The following RAB30 variants were observed in gnomAD, a reference collection of about 807,000 sequenced individuals.
The protein encoded by RAB30 is ras-related protein Rab-30.
Under a neutral mutation model 25.1 loss-of-function variants are expected in RAB30, and 9 were observed. The observed-to-expected ratio is 0.36, with a 90% CI of 0.22 to 0.63. RAB30 has a LOEUF of 0.63. RAB30 is among the 20% of genes least tolerant of loss of function. The probability of loss-of-function intolerance (pLI) is 0.69; values close to 1 mark genes in which losing one functional copy is unlikely to be tolerated. For synonymous variants in RAB30, 77 were observed against 86.4 expected (o/e 0.89, Z 0.60); for missense variants, 140 against 243.5 (o/e 0.58, Z 2.83).
At chr11:83,046,325 C>T (rs967185265) in intron 1 of RAB30, among the ~76,000 whole-genome samples, 18 of 152,148 alleles carry the variant, frequency 1.2e-4, no homozygotes, top group African/African-American at 4.3e-4. Flanking sequence ...CTCTAGGGAT[C>T]CTTTTCTAAG....
intron 1 of RAB30, among the ~76,000 whole-genome samples, chr11:83,007,031 AC>A (rs1451074669): frequency 6.6e-6 from 1 of 152,250 alleles, no homozygotes; most frequent in African/African-American, 2.4e-5. Context: ...CTGACACAGA[AC>A]ATTTCTGAGG....
chr11:83,054,623 G>A (rs1858419550), intron 1 of RAB30, among the ~76,000 whole-genome samples: 2 of 152,122 alleles, frequency 1.3e-5, no homozygotes, highest in Non-Finnish European at 2.9e-5. Context: ...TTACTGGAGA[G>A]GCCAAGGAGG....
intron 1 of RAB30, among the ~76,000 whole-genome samples, chr11:83,045,324 T>A (rs1858211717): frequency 6.6e-6 from 1 of 152,198 alleles, no homozygotes; most frequent in East Asian, 1.9e-4. Context: ...AGAGATAAGA[T>A]CTTGCCATCT....
intron 3 of RAB30, among the ~76,000 whole-genome samples, chr11:82,989,746 T>C (rs1412557428): frequency 1.3e-5 from 2 of 152,236 alleles, no homozygotes; most frequent in African/African-American, 4.8e-5. Flanking sequence ...CAAGATATGT[T>C]ACCTTCTCAT....
chr11:83,013,642 T>A (rs1344167936), intron 1 of RAB30, among the ~76,000 whole-genome samples: 1 of 152,134 alleles, frequency 6.6e-6, no homozygotes, highest in Non-Finnish European at 1.5e-5. Context: ...AAAGATCATA[T>A]AACCAAAGAG....
At chr11:83,019,488 C>T (rs1857515815) in intron 1 of RAB30, among the ~76,000 whole-genome samples, 1 of 152,178 alleles carries the variant, frequency 6.6e-6, no homozygotes, top group Non-Finnish European at 1.5e-5. Context: ...TATGCCTACC[C>T]TGTTTTACCA....
intron 1 of RAB30, among the ~76,000 whole-genome samples, chr11:83,023,371 G>A (rs760273224): frequency 1.3e-5 from 2 of 152,106 alleles, no homozygotes; most frequent in African/African-American, 2.4e-5. Flanking sequence ...CTCAGATAAG[G>A]GCAGACTTGA....
chr11:83,044,407 T>C (rs905484376), intron 1 of RAB30, among the ~76,000 whole-genome samples: 1 of 152,216 alleles, frequency 6.6e-6, no homozygotes, highest in Non-Finnish European at 1.5e-5. Context: ...CTTTCTGAAC[T>C]AAAATCTAAG....
rs961096336 is a variant in RAB30 at position 83,001,004 on chromosome 11, G to A, written c.-8-3680C>T. ...AGAGCTTGCAGTGAGCTGAGATCGC[G>A]CCACAGCACTCCCGCCTGGGCGACA... On this transcript the variant is annotated intron_variant, in intron 1 of 4. Coordinates refer to ENST00000527633, the MANE Select transcript of RAB30 (RefSeq NM_001286060.2). Among the ~76,000 whole-genome samples the A allele has an allele frequency of 7.5e-5, 9 of 120,164 alleles. No individual in the cohort carries two copies. The South Asian group carries it at 2.5e-3, about 34-fold the overall frequency. The allele number at this position is 120,164 out of a possible 152,430, so 78.8% of individuals were successfully genotyped here. A position where few individuals can be genotyped will look rare whatever the true frequency, so the allele number is the denominator to read the frequency against.
rs780152295 is a variant in RAB30, at chr11:82,973,327, A to G, written c.*8838T>C. ...AAAACATAGGCTACAATGAATGGAC[A>G]GTCATATGGTTTGGTGATTTGACAA... On this transcript the variant is annotated 3_prime_UTR_variant, in exon 5 of 5. Coordinates refer to ENST00000527633, the MANE Select transcript of RAB30 (RefSeq NM_001286060.2). The G allele has an allele frequency of 2.2e-4, 33 of 152,364 alleles. No homozygotes were observed. The highest frequency in any genetic ancestry group is 4.3e-4 in the Non-Finnish European group (29 of 68,020). The allele number at this position is 152,364 out of a possible 1,614,324, so 9.4% of individuals were successfully genotyped here. A position where few individuals can be genotyped will look rare whatever the true frequency, so the allele number is the denominator to read the frequency against.
Position 82,975,192 on chromosome 11 carries a change from T to A in RAB30, c.*6973A>T, listed in dbSNP as rs540288199. The A allele has an allele frequency of 3.7e-4, 57 of 152,284 alleles. No homozygotes were observed. The highest frequency in any genetic ancestry group is 1.2e-3 in the African/African-American group (51 of 41,578). 9.4% of individuals were successfully genotyped at this position (152,284 alleles called of 1,614,324 possible). A position where few individuals can be genotyped will look rare whatever the true frequency, so the allele number is the denominator to read the frequency against. The stretch of plus-strand genomic sequence containing the variant: ...AAAAAATAAATCAATTAACATTCAT[T>A]GTCAAATAACCTACAAGAAAGTTCC... On this transcript the variant is annotated 3_prime_UTR_variant, in exon 5 of 5. Transcript: ENST00000527633.
chr11:83,041,504 C>T lies in RAB30; in HGVS notation c.-9+30187G>A, dbSNP rs536438063. 2.7e-5 allele frequency: 6 copies of T among 222,128 alleles called. No homozygotes were observed. In the South Asian group the frequency reaches 3.5e-4, roughly 13 times the overall value. The allele number at this position is 222,128 out of a possible 1,614,324, so 13.8% of individuals were successfully genotyped here. On this transcript the variant is annotated intron_variant, in intron 1 of 4. Transcript: ENST00000527633. ...CCTTTAGAGCAACCCATACAAGAAA[C>T]AGGCTGCATACACTACCAAGGAAGC...
chr11:82,988,117 G>T (rs1034863144), intron 3 of RAB30, among the ~76,000 whole-genome samples: 1 of 151,962 alleles, frequency 6.6e-6, no homozygotes, highest in Non-Finnish European at 1.5e-5. Flanking sequence ...TTTACCTGTG[G>T]CAACTCACTT....
chr11:83,055,712 G>A (rs75961641), intron 1 of RAB30, among the ~76,000 whole-genome samples: 1,579 of 152,336 alleles, frequency 0.01, 17 homozygotes, highest in Middle Eastern at 0.044. Flanking sequence ...GGCCATGAGC[G>A]CTCCATGCTT....
At chr11:83,065,759 C>A (rs1015333169) in intron 1 of RAB30, among the ~76,000 whole-genome samples, 8 of 152,146 alleles carry the variant, frequency 5.3e-5, no homozygotes, top group Non-Finnish European at 1.0e-4. Flanking sequence ...ACCATGAGCA[C>A]CAGCTATACC....
intron 1 of RAB30, among the ~76,000 whole-genome samples, chr11:83,003,115 T>A (rs981945111): frequency 1.3e-5 from 2 of 152,204 alleles, no homozygotes; most frequent in Non-Finnish European, 2.9e-5. Context: ...GCATAGGCGA[T>A]GAAGTAAGAG....
rs936045262 is a variant in RAB30, at chr11:83,019,595, A to G, written c.-8-22271T>C. Among the ~76,000 whole-genome samples the G allele has an allele frequency of 6.6e-5, 10 of 152,242 alleles. No homozygotes were observed. The East Asian group carries it at 1.7e-3, about 26-fold the overall frequency. ...TGCTTCTTCCTTCAGGGCAGCAGAC[A>G]TGCCATCTCCCCCACGAAGTCCTCC... On this transcript the variant is annotated intron_variant, in intron 1 of 4. Coordinates refer to ENST00000527633, the MANE Select transcript of RAB30 (RefSeq NM_001286060.2).
chr11:83,041,594 T>C lies in RAB30; in HGVS notation c.-9+30097A>G, dbSNP rs868163843. ...AAGGAACTAGGTCGGCTTAATTGGT[T>C]GCAGAAAAATCAGTCTTACTGAGAT... On this transcript the variant is annotated intron_variant, in intron 1 of 4. Coordinates refer to ENST00000527633, the MANE Select transcript of RAB30 (RefSeq NM_001286060.2). 5 of 156,978 alleles carry C rather than the reference T, an allele frequency of 3.2e-5. No homozygotes were observed. The Middle Eastern group carries it at 2.6e-3, about 81-fold the overall frequency. The allele number at this position is 156,978 out of a possible 1,614,324, so 9.7% of individuals were successfully genotyped here.
Position 82,995,226 on chromosome 11 carries a change from A to G in RAB30, c.94-1104T>C, listed in dbSNP as rs531703452. Among the ~76,000 whole-genome samples, 3 of 152,358 alleles carry G rather than the reference A, an allele frequency of 2.0e-5. No individual in the cohort carries two copies. In the South Asian group the frequency reaches 6.2e-4, roughly 32 times the overall value. On this transcript the variant is annotated intron_variant, in intron 2 of 4. Transcript: ENST00000527633. ...ATGACTCAGATATCTTTAATTAAGA[A>G]TTATTTAAAGTTTTAGCTTAAAAGA...
Sources: gnomAD v4.1 joint callset for allele counts (sites outside exome capture counted in the v4.1 genomes callset) on GRCh38, gnomAD v4.1.1 for gene constraint, MANE v1.5 for transcripts, NCBI Gene and HGNC (gene_info 2026-07-23, HGNC 2026-07-21) for gene names.